CALN1: variants seen among roughly 807,000 people sequenced by gnomAD.
CALN1 encodes calcium-binding protein 8.
CALN1 carries 17 observed loss-of-function variants against 30.6 expected under a neutral mutation model. That is an observed-to-expected ratio of 0.56 (90% CI 0.38 to 0.83). The LOEUF (loss-of-function observed/expected upper bound fraction) is 0.83. CALN1 is among the 40% of genes least tolerant of loss of function. The pLI is 0.00. For missense variants in CALN1, 291 were observed against 354.9 expected (o/e 0.82, Z 1.45); for synonymous variants, 156 against 131.4 (o/e 1.19, Z -1.28).
At chr7:71,908,907 G>T (rs12699114) in intron 5 of CALN1, among the ~76,000 whole-genome samples, 2 of 152,150 alleles carry the variant, frequency 1.3e-5, no homozygotes, top group African/African-American at 2.4e-5. Flanking sequence ...AGGGATCCAG[G>T]GACGTCCTTT....
intron 3 of CALN1, among the ~76,000 whole-genome samples, chr7:72,182,978 CA>C (rs1789925912): frequency 6.6e-6 from 1 of 152,048 alleles, no homozygotes; most frequent in African/African-American, 2.4e-5. Context: ...TACGTGTGGT[CA>C]ACACCAGAAG....
At chr7:71,962,021 T>C (rs927892277) in intron 5 of CALN1, among the ~76,000 whole-genome samples, 1 of 152,126 alleles carries the variant, frequency 6.6e-6, no homozygotes, top group African/African-American at 2.4e-5. Flanking sequence ...CCTATGTCCA[T>C]CATCTCTTCA....
intron 1 of CALN1, among the ~76,000 whole-genome samples, chr7:72,426,174 A>G (rs1429814862): frequency 1.3e-5 from 2 of 152,224 alleles, no homozygotes; most frequent in African/African-American, 4.8e-5. Flanking sequence ...CCTCACCTGG[A>G]TGAAGGGCCA....
At chr7:72,246,449 C>A (rs1795162085) in intron 3 of CALN1, among the ~76,000 whole-genome samples, 1 of 152,072 alleles carries the variant, frequency 6.6e-6, no homozygotes, top group South Asian at 2.1e-4. Flanking sequence ...CCTGGGAAGC[C>A]CCAGGAGCTG....
rs567503977 is a variant in CALN1 at position 72,184,012 on chromosome 7, T to A, written c.245-77718A>T. On this transcript the variant is annotated intron_variant, in intron 3 of 6. Transcript: ENST00000395275. ...CGACAGTTCAGTTAAGAAAATTGAATTTACTCAACCAGCAGGGGGCATCCC... is the reference window on the plus strand; with the variant it reads ...CGACAGTTCAGTTAAGAAAATTGAAATTACTCAACCAGCAGGGGGCATCCC... Among the ~76,000 whole-genome samples, 10 of 152,176 alleles carry A rather than the reference T, an allele frequency of 6.6e-5. No individual in the cohort carries two copies. In the East Asian group the frequency reaches 1.9e-3, roughly 29 times the overall value.
At chr7:72,373,134 C>G in intron 2 of CALN1, among the ~76,000 whole-genome samples, 1 of 152,148 alleles carries the variant, frequency 6.6e-6, no homozygotes, top group East Asian at 1.9e-4. Flanking sequence ...ACTTAACCAG[C>G]TTTGCATGAC....
intron 1 of CALN1, among the ~76,000 whole-genome samples, chr7:72,432,997 A>G (rs942061341): frequency 6.6e-6 from 1 of 152,212 alleles, no homozygotes; most frequent in African/African-American, 2.4e-5. Context: ...TTTGAACCCA[A>G]CATTTGTTAC....
At chr7:72,054,967 C>T (rs2129536519) in intron 4 of CALN1, among the ~76,000 whole-genome samples, 1 of 152,194 alleles carries the variant, frequency 6.6e-6, no homozygotes, top group East Asian at 1.9e-4. Context: ...AGCTGAGAGA[C>T]CTGGAGACTA....
intron 3 of CALN1, among the ~76,000 whole-genome samples, chr7:72,230,738 G>A (rs921527899): frequency 6.6e-6 from 1 of 152,036 alleles, no homozygotes; most frequent in East Asian, 1.9e-4. Context: ...TCCAAACTCC[G>A]ACCTCCAGAA....
intron 3 of CALN1, among the ~76,000 whole-genome samples, chr7:72,183,227 C>A (rs1449190027): frequency 6.6e-6 from 1 of 152,076 alleles, no homozygotes; most frequent in Non-Finnish European, 1.5e-5. Context: ...CCACGCCCAG[C>A]TAATTTTTTG....
chr7:72,306,797 T>C (rs1005429208), intron 2 of CALN1, among the ~76,000 whole-genome samples: 5 of 152,166 alleles, frequency 3.3e-5, no homozygotes, highest in African/African-American at 1.2e-4. Flanking sequence ...AAAACTAAGC[T>C]GTGCCCTGAC....
At chr7:72,242,027 T>TA (rs1251766765) in intron 3 of CALN1, among the ~76,000 whole-genome samples, 1 of 152,208 alleles carries the variant, frequency 6.6e-6, no homozygotes, top group Non-Finnish European at 1.5e-5. Context: ...CTGCACTTGT[T>TA]AAACAACCCT....
chr7:72,292,570 C>T (rs767689166), intron 2 of CALN1, among the ~76,000 whole-genome samples: 18 of 151,360 alleles, frequency 1.2e-4, no homozygotes, highest in Non-Finnish European at 2.4e-4. Flanking sequence ...CCTGTAATCC[C>T]AGCACTTTGG....
chr7:72,271,438 T>C (rs1016014097), intron 3 of CALN1, among the ~76,000 whole-genome samples: 10 of 151,072 alleles, frequency 6.6e-5, no homozygotes, highest in African/African-American at 2.4e-4. Context: ...GTTTTCTTTT[T>C]TCTGAGGGAG....
intron 3 of CALN1, among the ~76,000 whole-genome samples, chr7:72,221,963 C>A (rs1036035616): frequency 1.3e-5 from 2 of 151,504 alleles, no homozygotes; most frequent in Non-Finnish European, 2.9e-5. Flanking sequence ...CAGTGGCTCA[C>A]GCCTGTAATC....
intron 4 of CALN1, among the ~76,000 whole-genome samples, chr7:72,049,124 A>G (rs1357787262): frequency 6.6e-6 from 1 of 152,132 alleles, no homozygotes; most frequent in Non-Finnish European, 1.5e-5. Flanking sequence ...ATATGATATC[A>G]TATTACCTGG....
Position 71,973,101 on chromosome 7 carries a change from T to G in CALN1, c.501+50556A>C, listed in dbSNP as rs530306111. Among the ~76,000 whole-genome samples, 352 of 152,144 alleles carry G rather than the reference T, an allele frequency of 2.3e-3. 1 individual carries two copies. The highest frequency in any genetic ancestry group is 7.8e-3 in the African/African-American group (324 of 41,510). The stretch of plus-strand genomic sequence containing the variant: ...CATTAACAGCAACATAAGTAGGTGC[T>G]CTCTATTTTTGAAAAAATAATCCTG... On this transcript the variant is annotated intron_variant, in intron 5 of 6. Coordinates refer to ENST00000395275, the MANE Select transcript of CALN1 (RefSeq NM_031468.4).
At chr7:72,384,114 G>A (rs1437418732) in intron 2 of CALN1, among the ~76,000 whole-genome samples, 1 of 152,202 alleles carries the variant, frequency 6.6e-6, no homozygotes, top group African/African-American at 2.4e-5. Context: ...TGACTTGGAG[G>A]AAGGAGGCGG....
intron 5 of CALN1, among the ~76,000 whole-genome samples, chr7:71,971,201 C>T (rs992895800): frequency 1.3e-5 from 2 of 152,194 alleles, no homozygotes; most frequent in African/African-American, 2.4e-5. Context: ...GTAATCCCAG[C>T]GCTTTGGGAG....
Sources: gnomAD v4.1 joint callset for allele counts (sites outside exome capture counted in the v4.1 genomes callset) on GRCh38, gnomAD v4.1.1 for gene constraint, MANE v1.5 for transcripts, NCBI Gene and HGNC (gene_info 2026-07-23, HGNC 2026-07-21) for gene names.